Variants in SPOCD1 observed in about 807,000 individuals in gnomAD.
SPOCD1 encodes the protein SPOC domain containing 1.
In SPOCD1, 64 loss-of-function variants were observed where a neutral mutation model predicts 92.2. That is an observed-to-expected ratio of 0.69 (90% confidence interval 0.57 to 0.86). The LOEUF (loss-of-function observed/expected upper bound fraction) is 0.86, where lower values mean the gene tolerates loss of function less well. SPOCD1 is among the 40% of genes least tolerant of loss of function. The probability of loss-of-function intolerance (pLI) is 0.00; values close to 1 mark genes in which losing one functional copy is unlikely to be tolerated. For missense variants in SPOCD1, 1,360 were observed against 1,543.1 expected, an observed-to-expected ratio of 0.88 and a Z score of 1.99; for synonymous variants, 578 against 619.3, an observed-to-expected ratio of 0.93 and a Z score of 0.99.
rs1343993658 is a variant in SPOCD1 at position 31,798,237 on chromosome 1, C to T, written c.2115G>A (p.Leu705=). The stretch of plus-strand genomic sequence containing the variant: ...TCTCCTCCTGGTCCCGCCAGCGGGC[C>T]AGCTCCTGGGGGGCCAGCTGCATCG... ...MSSMQLAPQE[L]ARWRDQEEKR... The change falls in exon 9 of 16, where the codon CTG becomes CTA. Residue 705 remains leucine (L), a synonymous_variant. Transcript: ENST00000360482. The surrounding 1 kb of genome is among the most constrained non-coding windows in gnomAD (Gnocchi z 4.1). The T allele has an allele frequency of 1.2e-6, 2 of 1,614,184 alleles. No homozygotes were observed. Among genetic ancestry groups the T allele is most frequent in the East Asian group, 4.5e-5 (2 of 44,882 alleles).
chr1:31,808,445 G>A (rs1165138741), intron 2 of SPOCD1, among the ~76,000 whole-genome samples: 1 of 150,444 alleles, frequency 6.6e-6, no homozygotes, highest in Non-Finnish European at 1.5e-5. Context: ...AATGCACTGT[G>A]CAATAATAAT....
Position 31,814,238 on chromosome 1 carries a change from C to T in SPOCD1, c.1096G>A (p.Ala366Thr). ...APAQDQEELEAKAQPASRGRL... is the reference protein window; with the variant it reads ...APAQDQEELETKAQPASRGRL... Reference sequence around the variant, plus strand: ...CCCCTGGAAGCTGGCTGAGCCTTGGCCTCCAGCTCCTCCTGGTCCTGTGCT... The same window carrying T: ...CCCCTGGAAGCTGGCTGAGCCTTGGTCTCCAGCTCCTCCTGGTCCTGTGCT... The change falls in exon 2 of 16, where the codon GCC (alanine) becomes ACC (threonine). Residue 366 changes from alanine (A) to threonine (T), a missense_variant. Around this residue, in one of 3 missense-constraint regions of SPOCD1, gnomAD observed 606 missense variants for 601.5 expected, o/e 1.01. Coordinates refer to ENST00000360482, the MANE Select transcript of SPOCD1 (RefSeq NM_144569.7). This position sits in a 1 kb window ranked among gnomAD's most constrained non-coding sequence, Gnocchi z 4.2. 2 of 1,582,474 alleles carry T rather than the reference C, an allele frequency of 1.3e-6. No individual in the cohort carries two copies. The highest frequency in any genetic ancestry group is 8.6e-7 in the Non-Finnish European group (1 of 1,164,096).
intron 9 of SPOCD1, 72 bp from the exon 10 acceptor site, chr1:31,796,787 T>C: frequency 6.2e-7 from 1 of 1,603,542 alleles, no homozygotes; most frequent in Non-Finnish European, 8.5e-7. Context: ...AAGTGCTCAC[T>C]TTCCTCCCTT....
chr1:31,795,214 AC>A (rs1212107546), intron 10 of SPOCD1: 1 of 152,240 alleles, frequency 6.6e-6, no homozygotes, highest in Admixed American at 6.5e-5. Context: ...TAAACATAAA[AC>A]AATCATTGCT....
Position 31,814,246 on chromosome 1 carries a change from T to A in SPOCD1, c.1088A>T (p.Glu363Val). 3 of 1,582,718 alleles carry A rather than the reference T, an allele frequency of 1.9e-6. No individual in the cohort carries two copies. The highest frequency in any genetic ancestry group is 2.6e-6 in the Non-Finnish European group (3 of 1,163,776). ...EGQAPAQDQE[E>V]LEAKAQPASR... ...AGCTGGCTGAGCCTTGGCCTCCAGC[T>A]CCTCCTGGTCCTGTGCTGGAGCCTG... Residue 363 changes from glutamate to valine, a missense_variant, in exon 2 of 16, where the codon GAG (glutamate) becomes GTG (valine). Physicochemically the swap from Glu to Val is moderately radical, Grantham distance 121. Coordinates refer to ENST00000360482, the MANE Select transcript of SPOCD1 (RefSeq NM_144569.7). This position sits in a 1 kb window ranked among gnomAD's most constrained non-coding sequence, Gnocchi z 4.2.
At position 31,793,971 on chromosome 1, in the gene SPOCD1, GGGTTGAACCA is replaced by G. The variant is rs1647809661; in HGVS notation, c.2384-84_2384-75del. ...AAGCCAGCCCAGGGCTTTAGAGCCAGGGTTGAACCAGGTTCTTTTCTAGGTGACCTGGGGC... is the reference window on the plus strand; with the variant it reads ...AAGCCAGCCCAGGGCTTTAGAGCCAGGGTTCTTTTCTAGGTGACCTGGGGC... On this transcript the variant is annotated intron_variant, in intron 11 of 15. Transcript: ENST00000360482. The G allele has an allele frequency of 6.4e-6, 10 of 1,554,100 alleles. 1 individual carries two copies. The South Asian group carries it at 1.2e-4, about 19-fold the overall frequency.
chr1:31,798,246 G>C lies in SPOCD1; in HGVS notation c.2106C>G (p.Pro702=), dbSNP rs1648165571. The change falls in exon 9 of 16, where the codon CCC becomes CCG. Residue 702 remains proline, a synonymous_variant. Coordinates refer to ENST00000360482, the MANE Select transcript of SPOCD1 (RefSeq NM_144569.7). This position sits in a 1 kb window ranked among gnomAD's most constrained non-coding sequence, Gnocchi z 4.1. ...LVRMSSMQLA[P]QELARWRDQE... ...GGTCCCGCCAGCGGGCCAGCTCCTG[G>C]GGGGCCAGCTGCATCGAGCTCATCC... 1 of 1,614,116 alleles carries C rather than the reference G, an allele frequency of 6.2e-7. No homozygotes were observed. Among genetic ancestry groups the C allele is most frequent in the East Asian group, 2.2e-5 (1 of 44,876 alleles).
Position 31,792,552 on chromosome 1 carries a change from A to G in SPOCD1, c.2775+126T>C, listed in dbSNP as rs1017110400. On this transcript the variant is annotated intron_variant, in intron 14 of 15. Transcript: ENST00000360482. ...CAGAGGGACCTGTCCAGGGTCACAC[A>G]GTGAGTCTGCAGTCACTCTGGGAAC... The G allele has an allele frequency of 6.1e-6, 7 of 1,138,390 alleles. No homozygotes were observed. The African/African-American group carries it at 9.3e-5, about 15-fold the overall frequency. The allele number at this position is 1,138,390 out of a possible 1,614,324, so 70.5% of individuals were successfully genotyped here. A position where few individuals can be genotyped will look rare whatever the true frequency, so the allele number is the denominator to read the frequency against.
intron 9 of SPOCD1, among the ~76,000 whole-genome samples, chr1:31,797,671 A>G (rs1648119928): frequency 6.6e-6 from 1 of 152,188 alleles, no homozygotes; most frequent in South Asian, 2.1e-4. Flanking sequence ...TCACTGGGCC[A>G]CCAACAAACA....
intron 2 of SPOCD1, among the ~76,000 whole-genome samples, chr1:31,805,201 G>T (rs2149111752): frequency 6.6e-6 from 1 of 151,674 alleles, no homozygotes; most frequent in African/African-American, 2.4e-5. Context: ...AGCCAGGATG[G>T]TCTCCATCTC....
rs764933944 is a variant in SPOCD1, at chr1:31,791,248, C to G, written c.3006G>C (p.Leu1002=). Reference sequence around the variant, plus strand: ...GCAACAGACTTGAGTGAGTGACCTCCAGACCTGGGGAAAGGAGAGGGGAGA... The same window carrying G: ...GCAACAGACTTGAGTGAGTGACCTCGAGACCTGGGGAAAGGAGAGGGGAGA... ...LPVSPLLSPG[L]EVTHSSLLLA... The change falls in exon 16 of 16, where the codon CTG becomes CTC. Residue 1002 remains leucine (L), a synonymous_variant. Coordinates refer to ENST00000360482, the MANE Select transcript of SPOCD1 (RefSeq NM_144569.7). 58 of 1,576,820 alleles carry G rather than the reference C, an allele frequency of 3.7e-5. No individual in the cohort carries two copies. The highest frequency in any genetic ancestry group is 4.7e-5 in the Non-Finnish European group (55 of 1,159,788).
rs1012749866 is a variant in SPOCD1 at position 31,798,918 on chromosome 1, A to T, written c.1869-317T>A. 4.4e-5 allele frequency: 25 copies of T among 563,618 alleles called. No individual in the cohort carries two copies. The South Asian group carries it at 5.3e-4, about 12-fold the overall frequency. The allele number at this position is 563,618 out of a possible 1,614,324, so 34.9% of individuals were successfully genotyped here. ...CTGTGCCCCGTCTCTGGCTCACGGG[A>T]TGTGTGGAGGGGAGGAAGCCGGGGT... On this transcript the variant is annotated intron_variant, in intron 7 of 15. Transcript: ENST00000360482. This position sits in a 1 kb window ranked among gnomAD's most constrained non-coding sequence, Gnocchi z 4.1.
chr1:31,805,204 T>A (rs566569310), intron 2 of SPOCD1, among the ~76,000 whole-genome samples: 1 of 152,002 alleles, frequency 6.6e-6, no homozygotes, highest in African/African-American at 2.4e-5. Flanking sequence ...CAGGATGGTC[T>A]CCATCTCCTG....
Position 31,791,101 on chromosome 1 carries a change from A to G in SPOCD1, c.3153T>C (p.Asp1051=). The part of the protein sequence containing the change: ...SKVEKRYYQP[D]DRRPNVPLKG... ...TCAGGGGCACATTCGGCCTCCTGTCATCTGGCTGATAGTATCTCTTCTCCA... is the reference window on the plus strand; with the variant it reads ...TCAGGGGCACATTCGGCCTCCTGTCGTCTGGCTGATAGTATCTCTTCTCCA... Residue 1051 remains aspartate, a synonymous_variant, in exon 16 of 16, where the codon GAT becomes GAC. Transcript: ENST00000360482. 1 of 1,613,022 alleles carries G rather than the reference A, an allele frequency of 6.2e-7. No homozygotes were observed. The highest frequency in any genetic ancestry group is 1.1e-5 in the South Asian group (1 of 90,994).
chr1:31,815,399 T>C (rs1570219563), intron 1 of SPOCD1, 27 bp from the exon 2 acceptor site: 1 of 1,476,730 alleles, frequency 6.8e-7, no homozygotes, highest in Non-Finnish European at 9.0e-7. Context: ...AGAGGAGACT[T>C]TGTCTTGGAG....
At chr1:31,795,703 G>A (rs1027689771) in intron 10 of SPOCD1, 9 of 152,194 alleles carry the variant, frequency 5.9e-5, no homozygotes, top group African/African-American at 2.2e-4. Context: ...TAGGAGTGGG[G>A]AGCAGGGATT....
intron 2 of SPOCD1, among the ~76,000 whole-genome samples, chr1:31,813,269 T>TTTTG (rs950549922): frequency 2.6e-5 from 4 of 152,274 alleles, no homozygotes; most frequent in Admixed American, 6.5e-5. Flanking sequence ...GGCACCTTTT[T>TTTTG]TTTGTTTGTT....
chr1:31,807,393 GGGGAGGGGAGGGGAGGGGA>G (rs1570192593), intron 2 of SPOCD1, among the ~76,000 whole-genome samples: 2 of 2,800 alleles, frequency 7.1e-4, no homozygotes, highest in Non-Finnish European at 3.0e-3. Context: ...TGTCTCAAAA[GGGGAGGGGAGGGGAGGGGA>G]GGGAGGGGGA....
Position 31,814,656 on chromosome 1 carries a change from C to T in SPOCD1, c.678G>A (p.Leu226=). The T allele has an allele frequency of 1.3e-6, 2 of 1,548,154 alleles. No homozygotes were observed. The highest frequency in any genetic ancestry group is 2.3e-5 in the East Asian group (1 of 44,362). The part of the protein sequence containing the change: ...SECEEGAGDF[L]WLDQSPRGDN... ...CCCCACGAGGGCTCTGATCAAGCCA[C>T]AGGAAGTCACCAGCCCCTTCCTCAC... is the stretch of plus-strand genomic sequence containing the variant. The change falls in exon 2 of 16, where the codon CTG becomes CTA. Residue 226 remains leucine (L), a synonymous_variant. Transcript: ENST00000360482. The surrounding 1 kb of genome is among the most constrained non-coding windows in gnomAD (Gnocchi z 4.2).
Sources: allele counts gnomAD v4.1 joint callset (sites outside exome capture counted in the v4.1 genomes callset), GRCh38; gene constraint gnomAD v4.1.1; regional missense constraint gnomAD v4.1.1; non-coding constraint Gnocchi (gnomAD v3.1); transcripts MANE v1.5; gene names NCBI Gene and HGNC (gene_info 2026-07-23, HGNC 2026-07-21).